The following DIS3L2 variants were observed in gnomAD, a reference collection of about 807,000 sequenced individuals.
The protein encoded by DIS3L2 is DIS3-like exonuclease 2.
DIS3L2 carries 34 observed loss-of-function variants against 97.5 expected under a neutral mutation model. The ratio of observed to expected loss-of-function variants is 0.35; its 90% CI spans 0.27 to 0.46. DIS3L2 has a LOEUF of 0.46. Ranked by LOEUF, DIS3L2 falls within the 20% of genes least tolerant of loss-of-function variation. The probability of loss-of-function intolerance (pLI) is 1.00; values close to 1 mark genes in which losing one functional copy is unlikely to be tolerated. For missense variants in DIS3L2, 1,038 were observed against 1,146.0 expected, an observed-to-expected ratio of 0.91 and a Z score of 1.36; for synonymous variants, 435 against 445.2, an observed-to-expected ratio of 0.98 and a Z score of 0.29.
chr2:232,331,444 G>A (rs116605191), intron 16 of DIS3L2, among the ~76,000 whole-genome samples: 9,566 of 152,302 alleles, frequency 0.063, 361 homozygotes, highest in South Asian at 0.088. Context: ...TCGGTCACTC[G>A]GCAGATTCAA....
At chr2:231,994,756 T>G (rs1574795098) in intron 1 of DIS3L2, among the ~76,000 whole-genome samples, 1 of 152,098 alleles carries the variant, frequency 6.6e-6, no homozygotes, top group East Asian at 1.9e-4. Context: ...ATTTATATTT[T>G]AGTAAGTTTC....
intron 9 of DIS3L2, among the ~76,000 whole-genome samples, chr2:232,201,314 C>T (rs1691886969): frequency 6.6e-6 from 1 of 152,130 alleles, no homozygotes; most frequent in Non-Finnish European, 1.5e-5. Flanking sequence ...GCCTTTTTAC[C>T]CAACTTTCCA....
At position 232,081,720 on chromosome 2, in the gene DIS3L2, C is replaced by T. The variant is rs138569092; in HGVS notation, c.367-5767C>T. Among the ~76,000 whole-genome samples, 138 of 152,246 alleles carry T rather than the reference C, an allele frequency of 9.1e-4. 1 individual carries two copies. Among genetic ancestry groups the T allele is most frequent in the South Asian group, 1.9e-3 (9 of 4,824 alleles). On this transcript the variant is annotated intron_variant, in intron 5 of 20. Coordinates refer to ENST00000325385, the MANE Select transcript of DIS3L2 (RefSeq NM_152383.5). ...TGTTTTCCCAGTATGACAGGAGGTT[C>T]CAGGGTTGTCTTGTCCATTTCCTGC...
At chr2:232,206,959 T>G (rs10191316) in intron 9 of DIS3L2, among the ~76,000 whole-genome samples, 2,961 of 152,222 alleles carry the variant, frequency 0.019, 91 homozygotes, top group African/African-American at 0.068. Flanking sequence ...ACTGGATCCA[T>G]AGAAATGAAA....
intron 11 of DIS3L2, among the ~76,000 whole-genome samples, chr2:232,239,811 T>C (rs1420151610): frequency 6.6e-6 from 1 of 152,240 alleles, no homozygotes; most frequent in Non-Finnish European, 1.5e-5. Context: ...CCCAAAAGTT[T>C]CTAGGATTTC....
At chr2:232,098,653 C>G (rs1426015233) in intron 6 of DIS3L2, among the ~76,000 whole-genome samples, 1 of 152,144 alleles carries the variant, frequency 6.6e-6, no homozygotes, top group East Asian at 1.9e-4. Context: ...CCCACCCAGC[C>G]TAGCTTTCTA....
At chr2:231,988,109 C>T (rs180831249) in intron 1 of DIS3L2, among the ~76,000 whole-genome samples, 68 of 152,274 alleles carry the variant, frequency 4.5e-4, no homozygotes, top group Middle Eastern at 6.8e-3. Flanking sequence ...TCCCAAAGTG[C>T]TGGGATTATA....
At chr2:232,113,704 A>G (rs562460809) in intron 6 of DIS3L2, among the ~76,000 whole-genome samples, 67 of 152,318 alleles carry the variant, frequency 4.4e-4, no homozygotes, top group African/African-American at 1.5e-3. Flanking sequence ...CTAACCTCCA[A>G]GCTATCCTTG....
At chr2:232,308,367 C>G (rs1374128876) in intron 14 of DIS3L2, among the ~76,000 whole-genome samples, 1 of 152,216 alleles carries the variant, frequency 6.6e-6, no homozygotes, top group Non-Finnish European at 1.5e-5. Flanking sequence ...GCGGACCTCT[C>G]AGAGCCTCCT....
At chr2:231,996,801 T>C (rs1693745631) in intron 1 of DIS3L2, among the ~76,000 whole-genome samples, 1 of 152,258 alleles carries the variant, frequency 6.6e-6, no homozygotes, top group African/African-American at 2.4e-5. Context: ...CTTTCTATTT[T>C]AAAGTCCTTT....
chr2:232,126,938 A>C (rs1698077088), intron 6 of DIS3L2, among the ~76,000 whole-genome samples: 1 of 152,154 alleles, frequency 6.6e-6, no homozygotes. Context: ...AGTGGCCTTC[A>C]ACTTCCTTAT....
intron 5 of DIS3L2, among the ~76,000 whole-genome samples, chr2:232,034,391 A>G (rs1044851293): frequency 1.3e-5 from 2 of 151,778 alleles, no homozygotes; most frequent in Non-Finnish European, 2.9e-5. Context: ...TGGTCTATCT[A>G]TTTTGTTAAT....
At chr2:231,974,909 A>G (rs1446819933) in intron 1 of DIS3L2, among the ~76,000 whole-genome samples, 2 of 152,210 alleles carry the variant, frequency 1.3e-5, no homozygotes, top group Non-Finnish European at 2.9e-5. Context: ...GAAAACATAT[A>G]TGCCCTTCAG....
At chr2:231,992,470 C>T (rs1017429565) in intron 1 of DIS3L2, among the ~76,000 whole-genome samples, 5 of 152,146 alleles carry the variant, frequency 3.3e-5, no homozygotes, top group African/African-American at 1.2e-4. Flanking sequence ...CAAGTTTCTC[C>T]TTTCATAAAA....
At chr2:232,167,755 A>G (rs72990489) in intron 9 of DIS3L2, among the ~76,000 whole-genome samples, 1,820 of 152,324 alleles carry the variant, frequency 0.012, 17 homozygotes, top group Non-Finnish European at 0.018. Context: ...TTTAAAAACT[A>G]GTTAAAAAAT....
chr2:232,274,567 A>G (rs888887069), intron 13 of DIS3L2, among the ~76,000 whole-genome samples: 1 of 152,172 alleles, frequency 6.6e-6, no homozygotes, highest in African/African-American at 2.4e-5. Context: ...GAAGGCCAGA[A>G]TCCTTTTGTT....
intron 1 of DIS3L2, among the ~76,000 whole-genome samples, chr2:231,965,526 G>T (rs967544385): frequency 6.6e-6 from 1 of 151,642 alleles, no homozygotes; most frequent in Non-Finnish European, 1.5e-5. Context: ...CATTTGTGAA[G>T]ATGATCAAAC....
At chr2:232,183,929 C>T (rs1301261477) in intron 9 of DIS3L2, among the ~76,000 whole-genome samples, 2 of 152,118 alleles carry the variant, frequency 1.3e-5, no homozygotes, top group Non-Finnish European at 2.9e-5. Flanking sequence ...CCAGTGACTG[C>T]TAGGCCACTG....
chr2:231,982,536 G>T (rs1693291737), intron 1 of DIS3L2, among the ~76,000 whole-genome samples: 1 of 152,088 alleles, frequency 6.6e-6, no homozygotes, highest in Non-Finnish European at 1.5e-5. Flanking sequence ...AGTAGATAAA[G>T]AATGTTTTAT....
Sources: allele counts gnomAD v4.1 joint callset (sites outside exome capture counted in the v4.1 genomes callset), GRCh38; gene constraint gnomAD v4.1.1; transcripts MANE v1.5; gene names NCBI Gene and HGNC (gene_info 2026-07-23, HGNC 2026-07-21).